Variants in PSPC1 observed in about 807,000 individuals in gnomAD.
PSPC1 encodes the protein paraspeckle component 1, also known as paraspeckle protein 1.
In PSPC1, 14 loss-of-function variants were observed where a neutral mutation model predicts 51.6. The ratio of observed to expected loss-of-function variants is 0.27; its 90% CI spans 0.18 to 0.42. The LOEUF is 0.42. Ranked by LOEUF, PSPC1 falls within the 10% of genes least tolerant of loss-of-function variation. The pLI is 1.00. For missense variants in PSPC1, 406 were observed against 701.1 expected, an observed-to-expected ratio of 0.58 and a Z score of 4.75; for synonymous variants, 193 against 231.9, an observed-to-expected ratio of 0.83 and a Z score of 1.53.
intron 2 of PSPC1, among the ~76,000 whole-genome samples, chr13:19,768,036 A>G (rs758516043): frequency 1.3e-5 from 2 of 151,772 alleles, no homozygotes; most frequent in African/African-American, 2.4e-5. Context: ...TGGGTGACAT[A>G]GCAAGACCTC....
intron 6 of PSPC1, among the ~76,000 whole-genome samples, chr13:19,687,008 C>T (rs1030841383): frequency 3.3e-5 from 5 of 151,982 alleles, no homozygotes; most frequent in South Asian, 2.1e-4. Flanking sequence ...ACCAGCCTGG[C>T]TAACATGGTG....
intron 5 of PSPC1, among the ~76,000 whole-genome samples, chr13:19,739,483 C>T (rs1231442147): frequency 1.3e-5 from 2 of 152,164 alleles, no homozygotes; most frequent in Non-Finnish European, 2.9e-5. Flanking sequence ...CGTGGTGGCT[C>T]ACACCTGTAA....
chr13:19,691,425 A>C (rs1317424433), intron 6 of PSPC1, among the ~76,000 whole-genome samples: 4 of 151,938 alleles, frequency 2.6e-5, no homozygotes, highest in African/African-American at 9.7e-5. Flanking sequence ...CCTACTACTG[A>C]GGTGGGATGA....
chr13:19,753,576 A>G (rs552799004), intron 3 of PSPC1, among the ~76,000 whole-genome samples: 1 of 152,212 alleles, frequency 6.6e-6, no homozygotes, highest in Admixed American at 6.6e-5. Flanking sequence ...AGTCTCGCCT[A>G]TAACAGCCTG....
chr13:19,692,786 T>C (rs995805947), intron 6 of PSPC1, among the ~76,000 whole-genome samples: 2 of 152,034 alleles, frequency 1.3e-5, no homozygotes, highest in African/African-American at 2.4e-5. Flanking sequence ...GCCCTCCCAA[T>C]ACATTAGAAA....
chr13:19,752,594 A>AT (rs578232634), intron 3 of PSPC1, among the ~76,000 whole-genome samples: 4,815 of 150,338 alleles, frequency 0.032, 112 homozygotes, highest in South Asian at 0.071. Context: ...TTATTTATTT[A>AT]TTTATTTTTG....
intron 6 of PSPC1, among the ~76,000 whole-genome samples, chr13:19,726,334 A>G (rs1883355435): frequency 6.6e-6 from 1 of 152,248 alleles, no homozygotes; most frequent in South Asian, 2.1e-4. Context: ...CCAAAAAGAA[A>G]TAAGCAAGGT....
At chr13:19,684,742 A>G (rs1314281910) in intron 6 of PSPC1, among the ~76,000 whole-genome samples, 1 of 152,222 alleles carries the variant, frequency 6.6e-6, no homozygotes, top group African/African-American at 2.4e-5. Context: ...ACAGGTGCTA[A>G]GCCGAATCAG....
chr13:19,708,385 C>G (rs1403973758), intron 7 of PSPC1, among the ~76,000 whole-genome samples: 1 of 152,230 alleles, frequency 6.6e-6, no homozygotes, highest in Admixed American at 6.5e-5. Context: ...CTTCATAACA[C>G]CTTTTGTGGG....
chr13:19,741,501 G>T, intron 5 of PSPC1, 64 bp downstream of exon 5: 2 of 1,171,786 alleles, frequency 1.7e-6, no homozygotes, highest in South Asian at 1.4e-5. Flanking sequence ...ACTTGTAACA[G>T]GTTGTGGGGA....
intron 3 of PSPC1, among the ~76,000 whole-genome samples, chr13:19,754,590 C>T (rs773795342): frequency 1.3e-5 from 2 of 151,168 alleles, no homozygotes; most frequent in Non-Finnish European, 2.9e-5. Context: ...CAGGTGCACG[C>T]CACCACGTCT....
chr13:19,778,394 TCC>T (rs1889442121), intron 1 of PSPC1, among the ~76,000 whole-genome samples: 1 of 37,346 alleles, frequency 2.7e-5, no homozygotes, highest in Admixed American at 3.0e-4. Flanking sequence ...CCCCTCCCCC[TCC>T]CTCTCCCTCT....
intron 5 of PSPC1, among the ~76,000 whole-genome samples, chr13:19,732,667 C>T (rs991960657): frequency 3.9e-5 from 6 of 152,146 alleles, no homozygotes; most frequent in African/African-American, 1.4e-4. Context: ...GTGGCTCACG[C>T]CTGTAATCCC....
In PSPC1 at chr13:19,782,864, A is replaced by T; in HGVS notation, c.-107T>A. 1 of 1,279,992 alleles carries T rather than the reference A, an allele frequency of 7.8e-7. No individual in the cohort carries two copies. The highest frequency in any genetic ancestry group is 1.0e-6 in the Non-Finnish European group (1 of 991,700). The allele number at this position is 1,279,992 out of a possible 1,614,324, so 79.3% of individuals were successfully genotyped here. On this transcript the variant is annotated 5_prime_UTR_variant, in exon 1 of 9. Coordinates refer to ENST00000338910, the MANE Select transcript of PSPC1 (RefSeq NM_001354909.2). The surrounding 1 kb of genome is among the most constrained non-coding windows in gnomAD (Gnocchi z 4.5). ...AAACCTATGCCAACAAAATATCGAC[A>T]ATCAAGAGACCGCTAGGTAGGCGAG... is the stretch of plus-strand genomic sequence containing the variant.
chr13:19,717,705 C>CAAAAAAAAA (rs780984201), intron 6 of PSPC1, among the ~76,000 whole-genome samples: 1 of 72,260 alleles, frequency 1.4e-5, no homozygotes, highest in Admixed American at 1.7e-4. Context: ...GACTCTGTCT[C>CAAAAAAAAA]AAAAAAAAAA....
chr13:19,728,044 T>G (rs1433200144), intron 6 of PSPC1, among the ~76,000 whole-genome samples: 3 of 152,130 alleles, frequency 2.0e-5, no homozygotes, highest in Non-Finnish European at 4.4e-5. Flanking sequence ...AACTGACAAC[T>G]GATATTGATG....
chr13:19,694,966 A>G (rs1879034883), intron 6 of PSPC1, among the ~76,000 whole-genome samples: 1 of 152,244 alleles, frequency 6.6e-6, no homozygotes, highest in South Asian at 2.1e-4. Context: ...AAATGCTATC[A>G]GGGCAAAGGA....
intron 5 of PSPC1, 91 bp from the exon 6 acceptor site, chr13:19,730,435 A>G (rs139801647): frequency 2.8e-5 from 33 of 1,179,678 alleles, no homozygotes; most frequent in African/African-American, 4.5e-5. Context: ...CATTTATGCA[A>G]TCATATTATG....
At chr13:19,715,322 T>C (rs1881964897) in intron 6 of PSPC1, among the ~76,000 whole-genome samples, 1 of 152,192 alleles carries the variant, frequency 6.6e-6, no homozygotes, top group Non-Finnish European at 1.5e-5. Context: ...CTAAGTAAGG[T>C]AAATTAACCT....
Sources: gnomAD v4.1 joint callset for allele counts (sites outside exome capture counted in the v4.1 genomes callset) on GRCh38, gnomAD v4.1.1 for gene constraint, Gnocchi (gnomAD v3.1) non-coding constraint, MANE v1.5 for transcripts, NCBI Gene and HGNC (gene_info 2026-07-23, HGNC 2026-07-21) for gene names.